The following ERBB2 variants were observed in gnomAD, a reference collection of about 807,000 sequenced individuals.
ERBB2 encodes receptor tyrosine-protein kinase erbB-2.
ERBB2 carries 61 observed loss-of-function variants against 149.0 expected under a neutral mutation model. The observed-to-expected ratio is 0.41, with a 90% confidence interval of 0.33 to 0.51. ERBB2 has a LOEUF of 0.51. Among genes scored for constraint, ERBB2 ranks in the 20% least tolerant of loss-of-function variants. The pLI, the probability that ERBB2 is intolerant of heterozygous loss-of-function variation, is 0.25. For synonymous variants in ERBB2, 633 were observed against 678.8 expected (o/e 0.93, Z 1.05); for missense variants, 1,205 against 1,655.1 (o/e 0.73, Z 4.72).
chr17:39,700,985 C>G (rs1158460829), intron 1 of ERBB2, among the ~76,000 whole-genome samples: 1 of 117,036 alleles, frequency 8.5e-6, no homozygotes, highest in African/African-American at 3.3e-5. Flanking sequence ...GGACTGTGCT[C>G]TGTGACTTTT....
chr17:39,715,550 A>C lies in ERBB2; in HGVS notation c.1313+14A>C. 1 of 1,612,952 alleles carries C rather than the reference A, an allele frequency of 6.2e-7. No homozygotes were observed. Among genetic ancestry groups the C allele is most frequent in the Non-Finnish European group, 8.5e-7 (1 of 1,178,906 alleles). The stretch of plus-strand genomic sequence containing the variant: ...AATTCTGCACAAGTGAGCACTGAGA[A>C]AGAGGGGGCCTGATGGGGAGGAGTC... On this transcript the variant is annotated intron_variant, in intron 11 of 26. Transcript: ENST00000269571.
intron 2 of ERBB2, among the ~76,000 whole-genome samples, chr17:39,689,413 C>T (rs753935372): frequency 2.0e-5 from 3 of 152,172 alleles, no homozygotes; most frequent in South Asian, 2.1e-4. Flanking sequence ...AGGAGCTGAC[C>T]GGAAATCCAG....
At chr17:39,699,703 C>G (rs1420712463), upstream of ERBB2, 7 of 751,208 alleles carry the variant, frequency 9.3e-6, no homozygotes, top group Admixed American at 2.3e-5. Flanking sequence ...GCAAGCTCCC[C>G]AGGAAAGTTT....
intron 1 of ERBB2, among the ~76,000 whole-genome samples, chr17:39,704,050 CAG>C (rs1354138763): frequency 2.6e-5 from 4 of 152,190 alleles, no homozygotes; most frequent in Admixed American, 2.0e-4. Flanking sequence ...CAGCTCTGAG[CAG>C]AGAGATGGAT....
intron 1 of ERBB2, 81 bp from the exon 2 acceptor site, chr17:39,706,909 T>C: frequency 7.2e-7 from 1 of 1,383,066 alleles, no homozygotes; most frequent in Non-Finnish European, 9.6e-7. Context: ...TGGCATGACT[T>C]GGAGTGAGTT....
At chr17:39,716,011 C>A in intron 12 of ERBB2, 72 bp downstream of exon 12, 2 of 1,458,628 alleles carry the variant, frequency 1.4e-6, no homozygotes, top group East Asian at 2.3e-5. Flanking sequence ...GCCCTGGCAG[C>A]AGCGTTCTTG....
rs2143257405 is a variant in ERBB2, at chr17:39,727,515, A to G, written c.3380A>G (p.Tyr1127Cys). 6.2e-7 allele frequency: 1 copy of G among 1,607,600 alleles called. No homozygotes were observed. Among genetic ancestry groups the G allele is most frequent in the Non-Finnish European group, 8.5e-7 (1 of 1,178,126 alleles). The change falls in exon 26 of 27, where the codon TAC (tyrosine) becomes TGC (cysteine). Residue 1127 changes from tyrosine (Y) to cysteine (C), a missense_variant. Tyr to Cys is a radical substitution (Grantham distance 194, BLOSUM62 -2). Coordinates refer to ENST00000269571, the MANE Select transcript of ERBB2 (RefSeq NM_004448.4). This position sits in a 1 kb window ranked among gnomAD's most constrained non-coding sequence, Gnocchi z 4.3. The stretch of plus-strand genomic sequence containing the variant: ...CCCCTGCCCTCTGAGACTGATGGCT[A>G]CGTTGCCCCCCTGACCTGCAGCCCC... ...TVPLPSETDG[Y>C]VAPLTCSPQP...
chr17:39,713,722 C>T (rs1437052574), intron 9 of ERBB2, among the ~76,000 whole-genome samples: 1 of 148,986 alleles, frequency 6.7e-6, no homozygotes, highest in African/African-American at 2.5e-5. Context: ...TATTGCACTC[C>T]AGCCTGGGCG....
intron 15 of ERBB2, 140 bp from the exon 16 acceptor site, chr17:39,719,647 C>T (rs1414113655): frequency 2.1e-5 from 17 of 804,798 alleles, no homozygotes; most frequent in South Asian, 8.8e-5. Context: ...GGAGCACTGA[C>T]GGCCTTGAGC....
Position 39,725,962 on chromosome 17 carries a change from C to G in ERBB2, c.2872+109C>G. 1 of 1,212,898 alleles carries G rather than the reference C, an allele frequency of 8.2e-7. No homozygotes were observed. The highest frequency in any genetic ancestry group is 2.4e-5 in the East Asian group (1 of 41,918). 75.1% of individuals were successfully genotyped at this position (1,212,898 alleles called of 1,614,324 possible). A position where few individuals can be genotyped will look rare whatever the true frequency, so the allele number is the denominator to read the frequency against. Reference sequence around the variant, plus strand: ...CAGGATGTATGTAGACCCAGGAGCCCTAGTATGTTAGGAGCCTCAAAACCT... The same window carrying G: ...CAGGATGTATGTAGACCCAGGAGCCGTAGTATGTTAGGAGCCTCAAAACCT... On this transcript the variant is annotated intron_variant, in intron 23 of 26. Transcript: ENST00000269571. The surrounding 1 kb of genome is among the most constrained non-coding windows in gnomAD (Gnocchi z 4.6).
rs1178548140 is a variant in ERBB2, at chr17:39,726,009, A to G, written c.2872+156A>G. On this transcript the variant is annotated intron_variant, in intron 23 of 26. Transcript: ENST00000269571. The surrounding 1 kb of genome is among the most constrained non-coding windows in gnomAD (Gnocchi z 5.1). ...ACCTTCTTGTATCCCTTTTACAGTC[A>G]AAGTCCAAAGCCACTCTTGAGGAAC... The G allele has an allele frequency of 2.4e-5, 17 of 711,232 alleles. No individual in the cohort carries two copies. Among genetic ancestry groups the G allele is most frequent in the Non-Finnish European group, 3.5e-5 (15 of 434,612 alleles). 44.1% of individuals were successfully genotyped at this position (711,232 alleles called of 1,614,324 possible). A position where few individuals can be genotyped will look rare whatever the true frequency, so the allele number is the denominator to read the frequency against.
In ERBB2 at chr17:39,723,454, G is replaced by A. The variant is rs757266514; in HGVS notation, c.2082G>A (p.Thr694=). ...CGATGCGGAGACTGCTGCAGGAAAC[G>A]GAGGTGAGGCGGGGTGAAGTCCTCC... ...KYTMRRLLQE[T]ELVEPLTPSG... The change falls in exon 17 of 27, where the codon ACG becomes ACA. Residue 694 remains threonine (T), a synonymous_variant. Coordinates refer to ENST00000269571, the MANE Select transcript of ERBB2 (RefSeq NM_004448.4). This position sits in a 1 kb window ranked among gnomAD's most constrained non-coding sequence, Gnocchi z 6.2. 1.4e-5 allele frequency: 23 copies of A among 1,614,068 alleles called. No homozygotes were observed. Among genetic ancestry groups the A allele is most frequent in the Non-Finnish European group, 1.9e-5 (22 of 1,180,038 alleles).
chr17:39,700,225 C>T lies in ERBB2; in HGVS notation c.-14C>T, dbSNP rs2145266335. 6.9e-7 allele frequency: 1 copy of T among 1,441,242 alleles called. No individual in the cohort carries two copies. The highest frequency in any genetic ancestry group is 9.1e-7 in the Non-Finnish European group (1 of 1,101,626). 89.3% of individuals were successfully genotyped at this position (1,441,242 alleles called of 1,614,324 possible). A position where few individuals can be genotyped will look rare whatever the true frequency, so the allele number is the denominator to read the frequency against. On this transcript the variant is annotated 5_prime_UTR_variant, in exon 1 of 27. Transcript: ENST00000269571. ...TCCAGCCGGAGCCATGGGGCCGGAGCCGCAGTGAGCACCATGGAGCTGGCG... is the reference window on the plus strand; with the variant it reads ...TCCAGCCGGAGCCATGGGGCCGGAGTCGCAGTGAGCACCATGGAGCTGGCG...
rs2143164120 is a variant in ERBB2 at position 39,726,796 on chromosome 17, G to C, written c.2971-19G>C. 1 of 1,608,420 alleles carries C rather than the reference G, an allele frequency of 6.2e-7. No homozygotes were observed. The highest frequency in any genetic ancestry group is 2.2e-5 in the East Asian group (1 of 44,786). Reference sequence around the variant, plus strand: ...TGGGCTGGGGAGGGGCCACCATCCTGCCTCTCCTTCCTCCACAGAATGAGG... The same window carrying C: ...TGGGCTGGGGAGGGGCCACCATCCTCCCTCTCCTTCCTCCACAGAATGAGG... On this transcript the variant is annotated intron_variant, in intron 24 of 26. Transcript: ENST00000269571. The surrounding 1 kb of genome is among the most constrained non-coding windows in gnomAD (Gnocchi z 5.1).
Position 39,708,428 on chromosome 17 carries a change from C to T in ERBB2, c.333C>T (p.Asn111=), listed in dbSNP as rs755265117. ...IVRGTQLFED[N]YALAVLDNGD... ...GAGGCACCCAGCTCTTTGAGGACAACTATGCCCTGGCCGTGCTAGACAATG... is the reference window on the plus strand; with the variant it reads ...GAGGCACCCAGCTCTTTGAGGACAATTATGCCCTGGCCGTGCTAGACAATG... Residue 111 remains asparagine (N), a synonymous_variant, in exon 3 of 27, where the codon AAC becomes AAT. Transcript: ENST00000269571. The T allele has an allele frequency of 7.4e-6, 12 of 1,614,106 alleles. No homozygotes were observed. The highest frequency in any genetic ancestry group is 1.3e-5 in the African/African-American group (1 of 74,936).
At chr17:39,710,558 C>A (rs2145530541) in intron 7 of ERBB2, 77 bp downstream of exon 7, 1 of 1,513,188 alleles carries the variant, frequency 6.6e-7, no homozygotes. Context: ...ATATGGGGAG[C>A]ACTGTCTGCA....
At chr17:39,698,143 T>A (rs1567890758), upstream of ERBB2, among the ~76,000 whole-genome samples, 2 of 152,210 alleles carry the variant, frequency 1.3e-5, no homozygotes, top group African/African-American at 4.8e-5. Flanking sequence ...TCCAGAGCAT[T>A]ATCTCCTTTA....
Position 39,710,453 on chromosome 17 carries a change from C to T in ERBB2, c.873C>T (p.Phe291=), listed in dbSNP as rs770104901. 2.9e-5 allele frequency: 47 copies of T among 1,613,894 alleles called. No individual in the cohort carries two copies. In the Middle Eastern group the frequency reaches 9.9e-4, roughly 34 times the overall value. ...SMPNPEGRYT[F]GASCVTACPY... ...CCAATCCCGAGGGCCGGTATACATTCGGCGCCAGCTGTGTGACTGCCTGTC... is the reference window on the plus strand; with the variant it reads ...CCAATCCCGAGGGCCGGTATACATTTGGCGCCAGCTGTGTGACTGCCTGTC... The change falls in exon 7 of 27, where the codon TTC becomes TTT. Residue 291 remains phenylalanine, a synonymous_variant. Coordinates refer to ENST00000269571, the MANE Select transcript of ERBB2 (RefSeq NM_004448.4).
rs1446281631 is a variant in ERBB2, at chr17:39,688,802, T to G, written c.-277+2T>G. 1 of 152,390 alleles carries G rather than the reference T, an allele frequency of 6.6e-6. No homozygotes were observed. Among genetic ancestry groups the G allele is most frequent in the Non-Finnish European group, 1.5e-5 (1 of 68,056 alleles). 9.4% of individuals were successfully genotyped at this position (152,390 alleles called of 1,614,324 possible). The stretch of plus-strand genomic sequence containing the variant: ...CTCCAGCACAGAATTTGGCTTATGG[T>G]AGGCGCTAACTGCGTTTGTTTGTTC... On this transcript the variant is annotated splice_donor_variant, in intron 2 of 17. Coordinates refer to the ERBB2 transcript ENST00000578199. LOFTEE classifies it low-confidence loss of function (5UTR_SPLICE).
Sources: allele counts gnomAD v4.1 joint callset (sites outside exome capture counted in the v4.1 genomes callset), GRCh38; gene constraint gnomAD v4.1.1; non-coding constraint Gnocchi (gnomAD v3.1); transcripts MANE v1.5; gene names NCBI Gene and HGNC (gene_info 2026-07-23, HGNC 2026-07-21).